Variants in MYH1 observed in about 807,000 individuals in gnomAD.
MYH1 encodes myosin-1.
Under a neutral mutation model 225.6 loss-of-function variants are expected in MYH1, and 214 were observed. The observed-to-expected ratio is 0.95, with a 90% CI of 0.85 to 1.06. MYH1 has a LOEUF of 1.06. MYH1 is among the 50% of genes least tolerant of loss of function. The pLI is 0.00. For missense variants in MYH1, 2,098 were observed against 2,344.2 expected (o/e 0.89, Z 2.17); for synonymous variants, 774 against 842.3 (o/e 0.92, Z 1.40).
At position 10,501,746 on chromosome 17, in the gene MYH1, G is replaced by T. The variant is rs1057065998; in HGVS notation, c.3257+20C>A. 9.9e-6 allele frequency: 16 copies of T among 1,613,858 alleles called. No individual in the cohort carries two copies. Among genetic ancestry groups the T allele is most frequent in the East Asian group, 2.2e-5 (1 of 44,888 alleles). On this transcript the variant is annotated intron_variant, in intron 25 of 39. Coordinates refer to ENST00000226207, the MANE Select transcript of MYH1 (RefSeq NM_005963.4). ...TTAAGAGTAATTTCCCCACAAAACT[G>T]TTGACCTAAAACTGCTTACTTTTTA...
At position 10,513,824 on chromosome 17, in the gene MYH1, G is replaced by A. The variant is rs149629669; in HGVS notation, c.738C>T (p.Arg246=). Residue 246 remains arginine, a synonymous_variant, in exon 8 of 40, where the codon CGC becomes CGT. Coordinates refer to ENST00000226207, the MANE Select transcript of MYH1 (RefSeq NM_005963.4). Reference sequence around the variant, plus strand: ...CTTTGGCAACCAAGAGACTTACAAAGCGAGAGGAGTTGTCATTCCTCACGG... The same window carrying A: ...CTTTGGCAACCAAGAGACTTACAAAACGAGAGGAGTTGTCATTCCTCACGG... ...AKTVRNDNSS[R]FGKFIRIHFG... 3 of 1,614,076 alleles carry A rather than the reference G, an allele frequency of 1.9e-6. No individual in the cohort carries two copies. The highest frequency in any genetic ancestry group is 2.5e-6 in the Non-Finnish European group (3 of 1,180,012).
At position 10,513,635 on chromosome 17, in the gene MYH1, T is replaced by C. The variant is rs776813582; in HGVS notation, c.796A>G (p.Ile266Val). The C allele has an allele frequency of 1.9e-6, 3 of 1,614,046 alleles. No individual in the cohort carries two copies. The highest frequency in any genetic ancestry group is 1.7e-6 in the Non-Finnish European group (2 of 1,179,894). The change falls in exon 9 of 40, where the codon ATT (isoleucine) becomes GTT (valine). Residue 266 changes from isoleucine (I) to valine (V), a missense_variant. Physicochemically the swap from Ile to Val is conservative, Grantham distance 29 (BLOSUM62 3). Coordinates refer to ENST00000226207, the MANE Select transcript of MYH1 (RefSeq NM_005963.4). ...AGGTCCTGTTACTCACATGTTTCAA[T>C]ATCAGCAGAAGCCAGTTTCCCTGTG... is the stretch of plus-strand genomic sequence containing the variant. Reference protein sequence around the residue: ...GTTGKLASADIETYLLEKSRV... With the variant: ...GTTGKLASADVETYLLEKSRV...
intron 14 of MYH1, among the ~76,000 whole-genome samples, chr17:10,510,325 C>G (rs958865398): frequency 2.6e-5 from 4 of 152,172 alleles, no homozygotes; most frequent in African/African-American, 4.8e-5. Flanking sequence ...AACATTTACT[C>G]TACAGTAGAC....
chr17:10,512,215 C>A (rs1476490908), intron 12 of MYH1, 23 bp from the exon 13 acceptor site: 1 of 1,604,550 alleles, frequency 6.2e-7, no homozygotes, highest in Non-Finnish European at 8.5e-7. Flanking sequence ...AATTCAGATA[C>A]CTAATATGAC....
In MYH1 at chr17:10,503,059, G is replaced by A. The variant is rs766684228; in HGVS notation, c.2881C>T (p.Leu961Phe). 3.7e-6 allele frequency: 6 copies of A among 1,613,214 alleles called. No homozygotes were observed. The Admixed American group carries it at 1.0e-4, about 27-fold the overall frequency. ...CSELKKDIDDLELTLAKVEKE... is the reference protein window; with the variant it reads ...CSELKKDIDDFELTLAKVEKE... ...TCAACCTTGGCCAGTGTCAGCTCAA[G>A]GTCATCAATGTCTTTCTTGAGTTCT... Residue 961 changes from leucine (L) to phenylalanine (F), a missense_variant, in exon 23 of 40, where the codon CTT becomes TTT. Transcript: ENST00000226207.
Position 10,505,527 on chromosome 17 carries a change from A to C in MYH1, c.2175-16T>G, listed in dbSNP as rs2142268058. 6.2e-7 allele frequency: 1 copy of C among 1,609,502 alleles called. No homozygotes were observed. The highest frequency in any genetic ancestry group is 8.5e-7 in the Non-Finnish European group (1 of 1,177,990). On this transcript the variant is annotated splice_polypyrimidine_tract_variant and intron_variant, in intron 19 of 39. Transcript: ENST00000226207. ...CACCTTGTATCTGTTTAAGCCAGAC[A>C]AAAAAATGATATGGCTGTTGCCACA... is the stretch of plus-strand genomic sequence containing the variant.
intron 17 of MYH1, among the ~76,000 whole-genome samples, chr17:10,507,491 A>G (rs2073124924): frequency 1.3e-5 from 2 of 152,206 alleles, no homozygotes; most frequent in South Asian, 4.1e-4. Context: ...GTTCTATACC[A>G]ATGTATCTTT....
rs1375341775 is a variant in MYH1, at chr17:10,505,372, A to C, written c.2298+16T>G. 1 of 1,614,086 alleles carries C rather than the reference A, an allele frequency of 6.2e-7. No homozygotes were observed. The highest frequency in any genetic ancestry group is 8.5e-7 in the Non-Finnish European group (1 of 1,180,044). ...AGGGACAGGAATAGCATCAGGTAGGATTTACAGAATATTACCTTGGTGTGA... is the reference window on the plus strand; with the variant it reads ...AGGGACAGGAATAGCATCAGGTAGGCTTTACAGAATATTACCTTGGTGTGA... On this transcript the variant is annotated intron_variant, in intron 20 of 39. Coordinates refer to ENST00000226207, the MANE Select transcript of MYH1 (RefSeq NM_005963.4).
rs751073866 is a variant in MYH1 at position 10,501,447 on chromosome 17, G to T, written c.3401C>A (p.Ala1134Asp). The T allele has an allele frequency of 6.2e-7, 1 of 1,614,246 alleles. No individual in the cohort carries two copies. The highest frequency in any genetic ancestry group is 8.5e-7 in the Non-Finnish European group (1 of 1,180,054). The change falls in exon 27 of 40, where the codon GCC becomes GAC. Residue 1134 changes from alanine (A) to aspartate (D), a missense_variant. Ala to Asp is a moderately radical substitution (Grantham distance 126). Transcript: ENST00000226207. Reference protein sequence around the residue: ...EEIEAERASRAKAEKQRSDLS... With the variant: ...EEIEAERASRDKAEKQRSDLS... ...ATCAGAGCGCTGCTTCTCTGCTTTG[G>T]CCCGGGAGGCCCGCTCTGCCTCGAT... is the stretch of plus-strand genomic sequence containing the variant.
intron 2 of MYH1, 115 bp from the exon 3 acceptor site, chr17:10,516,797 A>G (rs1025834520): frequency 1.2e-6 from 1 of 833,276 alleles, no homozygotes; most frequent in East Asian, 2.7e-5. Context: ...TGCATTGGGT[A>G]TGACCACCTC....
chr17:10,492,576 T>C lies in MYH1; in HGVS notation c.5668-8A>G, dbSNP rs201610124. On this transcript the variant is annotated splice_region_variant and splice_polypyrimidine_tract_variant and intron_variant, in intron 39 of 39. Coordinates refer to ENST00000226207, the MANE Select transcript of MYH1 (RefSeq NM_005963.4). Reference sequence around the variant, plus strand: ...GACGTTGGATTGTTCCTCCTGTGAATGGAAATCCATTTATGAGGGAAGAAA... The same window carrying C: ...GACGTTGGATTGTTCCTCCTGTGAACGGAAATCCATTTATGAGGGAAGAAA... 4.5e-4 allele frequency: 726 copies of C among 1,605,262 alleles called. No individual in the cohort carries two copies. The highest frequency in any genetic ancestry group is 5.9e-4 in the Non-Finnish European group (692 of 1,176,630).
At chr17:10,495,362 A>T (rs749757408) in intron 35 of MYH1, 45 bp from the exon 36 acceptor site, 1 of 1,605,630 alleles carries the variant, frequency 6.2e-7, no homozygotes, top group Admixed American at 1.7e-5. Flanking sequence ...CATGAGAGAA[A>T]AATTAGGAAA....
rs543280127 is a variant in MYH1, at chr17:10,506,011, C to T, written c.2056+1G>A. The T allele has an allele frequency of 1.9e-6, 3 of 1,614,134 alleles. No individual in the cohort carries two copies. The highest frequency in any genetic ancestry group is 4.5e-5 in the East Asian group (2 of 44,880). ...TTGTCTGGATATCAGAAATGTCTTA[C>T]CAGGAGTTTTAGTTTCATTGGGGAT... On this transcript the variant is annotated splice_donor_variant, in intron 18 of 39. Transcript: ENST00000226207. LOFTEE classifies it high-confidence loss of function.
rs1335499154 is a variant in MYH1, at chr17:10,505,214, A to C, written c.2384T>G (p.Met795Arg). ...CACTCTTGCCAAGAACCCTCTGCAC[A>C]TGGCCTGGGTTCGGGTAATCAGCTG... is the stretch of plus-strand genomic sequence containing the variant. ...LAQLITRTQA[M>R]CRGFLARVEY... Residue 795 changes from methionine to arginine, a missense_variant, in exon 21 of 40, where the codon ATG becomes AGG. By Grantham distance (91) the Met-to-Arg change is moderately conservative. Coordinates refer to ENST00000226207, the MANE Select transcript of MYH1 (RefSeq NM_005963.4). The C allele has an allele frequency of 1.9e-6, 3 of 1,614,222 alleles. No individual in the cohort carries two copies. Among genetic ancestry groups the C allele is most frequent in the Non-Finnish European group, 2.5e-6 (3 of 1,180,032 alleles).
Position 10,512,085 on chromosome 17 carries a change from T to C in MYH1, c.1255A>G (p.Thr419Ala). The C allele has an allele frequency of 6.2e-7, 1 of 1,614,162 alleles. No homozygotes were observed. The highest frequency in any genetic ancestry group is 2.2e-5 in the East Asian group (1 of 44,884). Reference sequence around the variant, plus strand: ...GGTCATGCACTTACCTGCTGCACAGTTTGACCTTTGGTGACATACTCATTG... The same window carrying C: ...GGTCATGCACTTACCTGCTGCACAGCTTGACCTTTGGTGACATACTCATTG... ...VGNEYVTKGQ[T>A]VQQVYNAVGA... Residue 419 changes from threonine (T) to alanine (A), a missense_variant, in exon 13 of 40, where the codon ACT (threonine) becomes GCT (alanine). Coordinates refer to ENST00000226207, the MANE Select transcript of MYH1 (RefSeq NM_005963.4).
At position 10,492,425 on chromosome 17, in the gene MYH1, A is replaced by G; in HGVS notation, c.5811T>C (p.Ser1937=). 1 of 1,613,698 alleles carries G rather than the reference A, an allele frequency of 6.2e-7. No homozygotes were observed. Among genetic ancestry groups the G allele is most frequent in the Non-Finnish European group, 8.5e-7 (1 of 1,179,924 alleles). ...TCAGCAGTTAGATAAATTACTCTTC[A>G]CTTATGATTTTTGTGTGAACCTCCC... ...KSREVHTKII[S]EE is the part of the protein sequence containing the mutation. The change falls in exon 40 of 40, where the codon AGT becomes AGC. Residue 1937 remains serine (S), a synonymous_variant. Transcript: ENST00000226207.
chr17:10,505,183 G>C lies in MYH1; in HGVS notation c.2415C>G (p.Tyr805Ter). The C allele has an allele frequency of 6.2e-7, 1 of 1,614,090 alleles. No homozygotes were observed. Among genetic ancestry groups the C allele is most frequent in the Non-Finnish European group, 8.5e-7 (1 of 1,180,018 alleles). The change falls in exon 21 of 40, where the codon TAC (tyrosine) becomes TAG (stop). Residue 805 changes from tyrosine (Y) to a stop codon, truncating the protein, a stop_gained. Coordinates refer to ENST00000226207, the MANE Select transcript of MYH1 (RefSeq NM_005963.4). LOFTEE classifies it high-confidence loss of function. ...MCRGFLARVE[Y>*]QKMVERRESI... is the part of the protein sequence containing the mutation. Reference sequence around the variant, plus strand: ...AATACCTTCTTTCCACCATTTTCTGGTACTCCACTCTTGCCAAGAACCCTC... The same window carrying C: ...AATACCTTCTTTCCACCATTTTCTGCTACTCCACTCTTGCCAAGAACCCTC...
In MYH1 at chr17:10,509,500, G is replaced by A. The variant is rs747807644; in HGVS notation, c.1572C>T (p.Ile524=). 2.0e-5 allele frequency: 32 copies of A among 1,613,948 alleles called. No individual in the cohort carries two copies. In the South Asian group the frequency reaches 2.4e-4, roughly 12 times the overall value. The change falls in exon 15 of 40, where the codon ATC becomes ATT. Residue 524 remains isoleucine (I), a synonymous_variant. Coordinates refer to ENST00000226207, the MANE Select transcript of MYH1 (RefSeq NM_005963.4). ...GCAAGCCAACCTTCTCGATGAGCTC[G>A]ATGCAGGCAGCCAGGTCCATCCCAA... is the stretch of plus-strand genomic sequence containing the variant. The part of the protein sequence containing the change: ...IDFGMDLAAC[I]ELIEKPMGIF...
In MYH1 at chr17:10,501,842, C is replaced by G. The variant is rs760161453; in HGVS notation, c.3181G>C (p.Gly1061Arg). The G allele has an allele frequency of 2.5e-6, 4 of 1,613,288 alleles. No homozygotes were observed. Among genetic ancestry groups the G allele is most frequent in the Non-Finnish European group, 3.4e-6 (4 of 1,179,534 alleles). ...GATTCTTGAGCCAATTTTAGGTCTC[C>G]CTCTAGTTTTCTCTTTGCTCTTTCT... is the stretch of plus-strand genomic sequence containing the variant. ...DLERAKRKLEGDLKLAQESTM... is the reference protein window; with the variant it reads ...DLERAKRKLERDLKLAQESTM... Residue 1061 changes from glycine to arginine, a missense_variant, in exon 25 of 40, where the codon GGA becomes CGA. Transcript: ENST00000226207.
Sources: allele counts gnomAD v4.1 joint callset (sites outside exome capture counted in the v4.1 genomes callset), GRCh38; gene constraint gnomAD v4.1.1; transcripts MANE v1.5; gene names NCBI Gene and HGNC (gene_info 2026-07-23, HGNC 2026-07-21).